Variants in VAC14 observed in about 807,000 individuals in gnomAD.
VAC14 encodes the protein protein VAC14 homolog.
Under a neutral mutation model 85.3 loss-of-function variants are expected in VAC14, and 47 were observed. The observed-to-expected ratio is 0.55, with a 90% CI of 0.44 to 0.70. The LOEUF is 0.70. VAC14 is among the 30% of genes least tolerant of loss of function. The pLI, the probability that VAC14 is intolerant of heterozygous loss-of-function variation, is 0.00. For synonymous variants in VAC14, 447 were observed against 430.5 expected (o/e 1.04, Z -0.47); for missense variants, 861 against 1,004.3 (o/e 0.86, Z 1.93).
At chr16:70,788,623 C>CAGAGT (rs1258596500) in intron 1 of VAC14, among the ~76,000 whole-genome samples, 1 of 152,238 alleles carries the variant, frequency 6.6e-6, no homozygotes, top group Non-Finnish European at 1.5e-5. Context: ...AATCATCTGG[C>CAGAGT]AGAGTGCCTA....
At chr16:70,708,284 A>G (rs2142994737) in intron 14 of VAC14, among the ~76,000 whole-genome samples, 1 of 152,294 alleles carries the variant, frequency 6.6e-6, no homozygotes, top group Non-Finnish European at 1.5e-5. Context: ...GTTCCTTTTC[A>G]GCTTACACCA....
rs2032479576 is a variant in VAC14, at chr16:70,762,552, A to G, written c.1359T>C (p.Asp453=). 6.2e-7 allele frequency: 1 copy of G among 1,614,116 alleles called. No individual in the cohort carries two copies. The highest frequency in any genetic ancestry group is 8.5e-7 in the Non-Finnish European group (1 of 1,179,984). Residue 453 remains aspartate (D), a synonymous_variant, in exon 12 of 19, where the codon GAT becomes GAC. Transcript: ENST00000261776. This position sits in a 1 kb window ranked among gnomAD's most constrained non-coding sequence, Gnocchi z 4.1. ...LFPILLQTLS[D]ESDEVILKDL... is the part of the protein sequence containing the mutation. Reference sequence around the variant, plus strand: ...GTTGGTGACCTACCTCATCCGATTCATCCGATAACGTCTGCAGTAGGATGG... The same window carrying G: ...GTTGGTGACCTACCTCATCCGATTCGTCCGATAACGTCTGCAGTAGGATGG...
intron 1 of VAC14, among the ~76,000 whole-genome samples, chr16:70,787,787 G>C: frequency 6.6e-6 from 1 of 152,186 alleles, no homozygotes; most frequent in Non-Finnish European, 1.5e-5. Flanking sequence ...CCTTGTCTGG[G>C]GCCCCAGAGA....
chr16:70,745,486 T>G (rs918102984), intron 12 of VAC14, among the ~76,000 whole-genome samples: 1 of 134,352 alleles, frequency 7.4e-6, no homozygotes, highest in African/African-American at 3.1e-5. Flanking sequence ...GGCTTCAGTG[T>G]GTGTGTGTGT....
chr16:70,728,500 T>G (rs2054495229), intron 14 of VAC14, among the ~76,000 whole-genome samples: 1 of 152,210 alleles, frequency 6.6e-6, no homozygotes, highest in African/African-American at 2.4e-5. Flanking sequence ...GGAGATGCAC[T>G]GCAAAGCAAG....
At chr16:70,703,286 G>C (rs2053863432) in intron 14 of VAC14, among the ~76,000 whole-genome samples, 1 of 152,370 alleles carries the variant, frequency 6.6e-6, no homozygotes, top group East Asian at 1.9e-4. Flanking sequence ...TTCGTCATGA[G>C]ACAATGGCCT....
chr16:70,749,685 G>A (rs16970481), intron 12 of VAC14, among the ~76,000 whole-genome samples: 6 of 152,208 alleles, frequency 3.9e-5, no homozygotes, highest in Non-Finnish European at 1.5e-5. Context: ...CACCAAGATG[G>A]AGGGCAAGGA....
chr16:70,752,471 C>A (rs1484197073), intron 12 of VAC14, among the ~76,000 whole-genome samples: 2 of 152,224 alleles, frequency 1.3e-5, no homozygotes, highest in African/African-American at 4.8e-5. Context: ...GGCCCTGACC[C>A]AGAGGGTACA....
intron 13 of VAC14, among the ~76,000 whole-genome samples, chr16:70,737,655 C>G (rs529813857): frequency 6.6e-6 from 1 of 152,120 alleles, no homozygotes; most frequent in East Asian, 1.9e-4. Context: ...GCGGGGTGGG[C>G]GGCCGGGGAG....
At chr16:70,688,563 T>G (rs2053542345) in intron 18 of VAC14, 7 of 985,810 alleles carry the variant, frequency 7.1e-6, no homozygotes, top group Non-Finnish European at 8.4e-6. Flanking sequence ...GGCCCTCCAC[T>G]TGGCAGGACA....
intron 7 of VAC14, 26 bp downstream of exon 7, chr16:70,783,007 G>A: frequency 7.5e-6 from 12 of 1,603,722 alleles, no homozygotes; most frequent in Non-Finnish European, 1.0e-5. Context: ...GGCAGCCGTG[G>A]CTGTGGGCCC....
chr16:70,789,854 C>A (rs1043557403), intron 1 of VAC14, among the ~76,000 whole-genome samples: 1 of 152,212 alleles, frequency 6.6e-6, no homozygotes, highest in Non-Finnish European at 1.5e-5. Context: ...CCGCTTGGCA[C>A]AAGTTACAGC....
chr16:70,711,436 C>G (rs1388463877), intron 14 of VAC14, among the ~76,000 whole-genome samples: 1 of 152,080 alleles, frequency 6.6e-6, no homozygotes, highest in African/African-American at 2.4e-5. Flanking sequence ...TGTGCAGAGT[C>G]TGGGTCCTGG....
chr16:70,795,293 G>C (rs368388942), intron 1 of VAC14, among the ~76,000 whole-genome samples: 6 of 151,828 alleles, frequency 4.0e-5, no homozygotes, highest in Admixed American at 2.6e-4. Context: ...GGTGAAACCC[G>C]ATCTCTACTA....
At chr16:70,689,477 G>GT in intron 18 of VAC14, 1 of 985,034 alleles carries the variant, frequency 1.0e-6, no homozygotes, top group African/African-American at 1.8e-5. Context: ...GCTTCAGGTG[G>GT]CCACCAGCCT....
intron 9 of VAC14, among the ~76,000 whole-genome samples, chr16:70,775,394 T>C (rs1435516399): frequency 1.3e-5 from 2 of 152,234 alleles, no homozygotes; most frequent in African/African-American, 4.8e-5. Flanking sequence ...TTTGTAAACA[T>C]AAACGGGATC....
intron 7 of VAC14, among the ~76,000 whole-genome samples, chr16:70,782,633 C>T (rs868273642): frequency 5.9e-5 from 9 of 152,232 alleles, no homozygotes; most frequent in South Asian, 4.1e-4. Flanking sequence ...AGGTGACCCA[C>T]AGACTTATGA....
intron 12 of VAC14, among the ~76,000 whole-genome samples, chr16:70,757,803 G>A (rs1434705026): frequency 6.6e-6 from 1 of 152,156 alleles, no homozygotes; most frequent in Admixed American, 6.5e-5. Flanking sequence ...GGGTCCCAAG[G>A]GGAGCATTTG....
chr16:70,780,942 G>A lies in VAC14; in HGVS notation c.947-3C>T, dbSNP rs74024453. On this transcript the variant is annotated splice_region_variant and splice_polypyrimidine_tract_variant and intron_variant, in intron 8 of 18. Transcript: ENST00000261776. ...CACGTTGGCCACTTCTTTGATGCCT[G>A]AGTCCACTGATGTAAGGAGCGTGAT... is the stretch of plus-strand genomic sequence containing the variant. 6.5e-3 allele frequency: 10,436 copies of A among 1,614,046 alleles called. 591 individuals carry two copies. The African/African-American group carries it at 0.12, about 19-fold the overall frequency.
Sources: gnomAD v4.1 joint callset for allele counts (sites outside exome capture counted in the v4.1 genomes callset) on GRCh38, gnomAD v4.1.1 for gene constraint, Gnocchi (gnomAD v3.1) non-coding constraint, MANE v1.5 for transcripts, NCBI Gene and HGNC (gene_info 2026-07-23, HGNC 2026-07-21) for gene names.